Variants in CTNNA3 observed in about 807,000 individuals in gnomAD.
The protein encoded by CTNNA3 is catenin alpha-3.
CTNNA3 carries 76 observed loss-of-function variants against 95.7 expected under a neutral mutation model. That is an observed-to-expected ratio of 0.79 (90% CI 0.66 to 0.96). The LOEUF (loss-of-function observed/expected upper bound fraction) is 0.96. CTNNA3 is among the 40% of genes least tolerant of loss of function. The pLI, the probability that CTNNA3 is intolerant of heterozygous loss-of-function variation, is 0.00. For missense variants in CTNNA3, 1,191 were observed against 1,089.8 expected, an observed-to-expected ratio of 1.09 and a Z score of -1.31; for synonymous variants, 431 against 374.4, an observed-to-expected ratio of 1.15 and a Z score of -1.74.
intron 11 of CTNNA3, among the ~76,000 whole-genome samples, chr10:66,448,782 C>G (rs1835245248): frequency 6.6e-6 from 1 of 151,966 alleles, no homozygotes; most frequent in Non-Finnish European, 1.5e-5. Context: ...ACATATGTAA[C>G]AAACCTGCAT....
At chr10:67,083,250 G>A (rs1331697616) in intron 7 of CTNNA3, among the ~76,000 whole-genome samples, 4 of 152,058 alleles carry the variant, frequency 2.6e-5, no homozygotes, top group Non-Finnish European at 5.9e-5. Context: ...TGCAGGCTTA[G>A]CACCATAACA....
chr10:67,709,901 A>G (rs1478450611), intron 1 of CTNNA3, among the ~76,000 whole-genome samples: 2 of 152,094 alleles, frequency 1.3e-5, no homozygotes, highest in Non-Finnish European at 2.9e-5. Context: ...TCCTAAATAA[A>G]TTCTTCTTTA....
chr10:66,733,253 C>T (rs1849021165), intron 9 of CTNNA3, among the ~76,000 whole-genome samples: 1 of 152,044 alleles, frequency 6.6e-6, no homozygotes, highest in African/African-American at 2.4e-5. Flanking sequence ...CGAATTTCAT[C>T]TCTTTAACTC....
At chr10:67,349,793 G>C (rs1842564704) in intron 5 of CTNNA3, among the ~76,000 whole-genome samples, 1 of 152,096 alleles carries the variant, frequency 6.6e-6, no homozygotes, top group Non-Finnish European at 1.5e-5. Context: ...AGTAGGCTTT[G>C]CTAATTGATT....
In CTNNA3 at chr10:66,520,700, T is replaced by A. The variant is rs200282168; in HGVS notation, c.1448A>T (p.Lys483Met). The A allele has an allele frequency of 1.9e-6, 3 of 1,611,840 alleles. No homozygotes were observed. The African/African-American group carries it at 4.0e-5, about 22-fold the overall frequency. Residue 483 changes from lysine (K) to methionine (M), a missense_variant, in exon 11 of 18, where the codon AAG (lysine) becomes ATG (methionine). Physicochemically the swap from Lys to Met is moderately conservative, Grantham distance 95. Coordinates refer to ENST00000433211, the MANE Select transcript of CTNNA3 (RefSeq NM_013266.4). ...QAVKNTMEMY[K>M]RTWENHIHVL... ...ATGTATATGATTCTCCCATGTACGC[T>A]TGTACATTTCCATGGTGTTTTTGAC...
intron 2 of CTNNA3, among the ~76,000 whole-genome samples, chr10:67,633,579 G>T (rs375686655): frequency 1.1e-4 from 17 of 152,234 alleles, no homozygotes; most frequent in African/African-American, 3.9e-4. Context: ...GATACTTCCA[G>T]GTAAGGAAAA....
At chr10:65,974,641 C>T (rs1000470454) in intron 16 of CTNNA3, among the ~76,000 whole-genome samples, 12 of 152,064 alleles carry the variant, frequency 7.9e-5, no homozygotes, top group African/African-American at 2.9e-4. Context: ...TTATTGGGTA[C>T]TATGCTCACT....
At chr10:66,969,418 C>T (rs192099249) in intron 7 of CTNNA3, among the ~76,000 whole-genome samples, 1 of 152,218 alleles carries the variant, frequency 6.6e-6, no homozygotes, top group East Asian at 1.9e-4. Context: ...GCTATTGATG[C>T]ACATTTGAAT....
At position 67,339,266 on chromosome 10, in the gene CTNNA3, C is replaced by T. The variant is rs75521496; in HGVS notation, c.580-119396G>A. On this transcript the variant is annotated intron_variant, in intron 5 of 17. Coordinates refer to ENST00000433211, the MANE Select transcript of CTNNA3 (RefSeq NM_013266.4). ...TATTGTCTTTTTTTTCCAAAGTGGACATAAATCCTAGCTTACCTATTAGTA... is the reference window on the plus strand; with the variant it reads ...TATTGTCTTTTTTTTCCAAAGTGGATATAAATCCTAGCTTACCTATTAGTA... Among the ~76,000 whole-genome samples the T allele has an allele frequency of 4.6e-5, 7 of 152,202 alleles. No individual in the cohort carries two copies. In the East Asian group the frequency reaches 1.4e-3, roughly 29 times the overall value.
Position 67,001,098 on chromosome 10 carries a change from C to T in CTNNA3, c.1047+179219G>A, listed in dbSNP as rs143299585. On this transcript the variant is annotated intron_variant, in intron 7 of 17. Coordinates refer to ENST00000433211, the MANE Select transcript of CTNNA3 (RefSeq NM_013266.4). ...TGGGTGGATCATGAGGTCAGGAGATCGAGACCATCCTGGCCAACATGATGA... is the reference window on the plus strand; with the variant it reads ...TGGGTGGATCATGAGGTCAGGAGATTGAGACCATCCTGGCCAACATGATGA... 4.1e-3 allele frequency among the ~76,000 whole-genome samples: 624 copies of T among 151,672 alleles called. 14 individuals carry two copies. In the East Asian group the frequency reaches 0.063, roughly 15 times the overall value.
intron 5 of CTNNA3, among the ~76,000 whole-genome samples, chr10:67,322,687 A>C (rs1191011589): frequency 1.3e-5 from 2 of 152,168 alleles, no homozygotes; most frequent in East Asian, 1.9e-4. Flanking sequence ...TTAGCACACA[A>C]GTGCATGCAT....
chr10:66,336,009 T>G (rs1245855082), intron 12 of CTNNA3, among the ~76,000 whole-genome samples: 1 of 152,114 alleles, frequency 6.6e-6, no homozygotes, highest in Non-Finnish European at 1.5e-5. Flanking sequence ...CGAGGCTCCG[T>G]GCTTGTAGGA....
intron 7 of CTNNA3, among the ~76,000 whole-genome samples, chr10:66,939,662 T>C (rs1847894005): frequency 6.6e-6 from 1 of 152,214 alleles, no homozygotes; most frequent in Non-Finnish European, 1.5e-5. Context: ...CCATATCCCT[T>C]TTCATGTGAA....
rs139213033 is a variant in CTNNA3 at position 67,376,973 on chromosome 10, C to A, written c.579+144869G>T. Among the ~76,000 whole-genome samples the A allele has an allele frequency of 5.0e-3, 758 of 152,222 alleles. 6 individuals carry two copies. Among genetic ancestry groups the A allele is most frequent in the African/African-American group, 0.017 (712 of 41,536 alleles). On this transcript the variant is annotated intron_variant, in intron 5 of 17. Coordinates refer to ENST00000433211, the MANE Select transcript of CTNNA3 (RefSeq NM_013266.4). ...TGATGCCTTTTGAATCTGCTCAGCG[C>A]CATCCAAGCAAGTGGTATAAATTCA...
At chr10:67,467,851 C>A (rs1443078005) in intron 5 of CTNNA3, among the ~76,000 whole-genome samples, 1 of 151,854 alleles carries the variant, frequency 6.6e-6, no homozygotes, top group Non-Finnish European at 1.5e-5. Context: ...TCTGAGACTA[C>A]AGGTGTGCCC....
At chr10:67,412,146 T>C (rs1244037646) in intron 5 of CTNNA3, among the ~76,000 whole-genome samples, 1 of 152,156 alleles carries the variant, frequency 6.6e-6, no homozygotes, top group African/African-American at 2.4e-5. Context: ...GCAACATCCT[T>C]CTAAATATTT....
chr10:67,293,659 C>G (rs571174838), intron 5 of CTNNA3, among the ~76,000 whole-genome samples: 1 of 116,634 alleles, frequency 8.6e-6, no homozygotes, highest in South Asian at 3.4e-4. Flanking sequence ...TAATGCTATC[C>G]CTCCCCCTCC....
chr10:67,322,254 A>T (rs1054266542), intron 5 of CTNNA3, among the ~76,000 whole-genome samples: 2 of 152,110 alleles, frequency 1.3e-5, no homozygotes, highest in African/African-American at 4.8e-5. Context: ...AGTTCAGGGT[A>T]CATGTGCAGG....
intron 9 of CTNNA3, among the ~76,000 whole-genome samples, chr10:66,700,452 G>C (rs1847906959): frequency 6.6e-6 from 1 of 151,960 alleles, no homozygotes. Flanking sequence ...ATAAACTTGG[G>C]TTTATTTCTG....
Sources: gnomAD v4.1 joint callset for allele counts (sites outside exome capture counted in the v4.1 genomes callset) on GRCh38, gnomAD v4.1.1 for gene constraint, MANE v1.5 for transcripts, NCBI Gene and HGNC (gene_info 2026-07-23, HGNC 2026-07-21) for gene names.